COL4A2: variants seen among roughly 807,000 people sequenced by gnomAD.
COL4A2 encodes collagen alpha-2(IV) chain.
In COL4A2, 99 loss-of-function variants were observed where a neutral mutation model predicts 200.2. That is an observed-to-expected ratio of 0.49 (90% CI 0.42 to 0.58). COL4A2 has a LOEUF of 0.58. Ranked by LOEUF, COL4A2 falls within the 20% of genes least tolerant of loss-of-function variation. The pLI is 0.00. For missense variants in COL4A2, 1,950 were observed against 2,314.1 expected (o/e 0.84, Z 3.23); for synonymous variants, 897 against 900.6 (o/e 1.00, Z 0.07).
chr13:110,339,434 G>A (rs1036528291), intron 3 of COL4A2, among the ~76,000 whole-genome samples: 3 of 152,094 alleles, frequency 2.0e-5, no homozygotes, highest in South Asian at 2.1e-4. Context: ...GTGGGAGCAG[G>A]GGCTTCCCTG....
At position 110,475,677 on chromosome 13, in the gene COL4A2, G is replaced by A. The variant is rs369545576; in HGVS notation, c.2426-2326G>A. Among the ~76,000 whole-genome samples the A allele has an allele frequency of 7.2e-5, 11 of 152,288 alleles. No individual in the cohort carries two copies. The South Asian group carries it at 2.3e-3, about 32-fold the overall frequency. Reference sequence around the variant, plus strand: ...AAGTAACTACTTCAGTTTCAGTTCCGCTCACCAGTGCTACAGGAGCAGCGT... The same window carrying A: ...AAGTAACTACTTCAGTTTCAGTTCCACTCACCAGTGCTACAGGAGCAGCGT... On this transcript the variant is annotated intron_variant, in intron 29 of 47. Transcript: ENST00000360467.
chr13:110,480,685 A>T (rs1882868749), intron 31 of COL4A2, among the ~76,000 whole-genome samples: 1 of 152,270 alleles, frequency 6.6e-6, no homozygotes, highest in African/African-American at 2.4e-5. Flanking sequence ...CACCATCTGC[A>T]CAGGGAAATT....
rs377248451 is a variant in COL4A2, at chr13:110,475,296, C to A, written c.2425+2146C>A. Among the ~76,000 whole-genome samples the A allele has an allele frequency of 4.6e-4, 70 of 152,310 alleles. No individual in the cohort carries two copies. The East Asian group carries it at 0.011, about 24-fold the overall frequency. ...GAGGACTCGGCGCTGAGAGGTGGGG[C>A]TCTGTGTGTCAGCCTTCCTGGAAGG... On this transcript the variant is annotated intron_variant, in intron 29 of 47. Coordinates refer to ENST00000360467, the MANE Select transcript of COL4A2 (RefSeq NM_001846.4).
chr13:110,330,414 G>A (rs1044478147), intron 3 of COL4A2, among the ~76,000 whole-genome samples: 5 of 152,136 alleles, frequency 3.3e-5, no homozygotes, highest in African/African-American at 9.7e-5. Context: ...AGGCGGGGGG[G>A]CAGCCCCAAC....
intron 3 of COL4A2, among the ~76,000 whole-genome samples, chr13:110,319,267 A>G (rs1414703735): frequency 2.0e-5 from 3 of 152,150 alleles, no homozygotes; most frequent in Admixed American, 6.5e-5. Flanking sequence ...CCTTAAGTTT[A>G]GGAAATGTCA....
chr13:110,501,582 C>T lies in COL4A2; in HGVS notation c.3761-86C>T, dbSNP rs1883642407. ...TCTCGCTCGCTAGGCTCTGGTCCAC[C>T]ACAGGTGATGGTGTGGAGGGAAAAT... On this transcript the variant is annotated intron_variant, in intron 40 of 47. Transcript: ENST00000360467. 4.2e-6 allele frequency: 5 copies of T among 1,190,474 alleles called. No homozygotes were observed. In the Admixed American group the frequency reaches 5.1e-5, roughly 12 times the overall value. The allele number at this position is 1,190,474 out of a possible 1,614,324, so 73.7% of individuals were successfully genotyped here.
intron 32 of COL4A2, among the ~76,000 whole-genome samples, chr13:110,483,845 T>C (rs7329440): frequency 0.54 from 82,403 of 152,104 alleles, 22,257 homozygotes; most frequent in South Asian, 0.63. Context: ...CGGTGCTGCT[T>C]GCTCACAGCT....
intron 15 of COL4A2, among the ~76,000 whole-genome samples, 195 bp downstream of exon 15, chr13:110,438,863 G>A (rs557210685): frequency 6.7e-6 from 1 of 149,940 alleles, no homozygotes; most frequent in Non-Finnish European, 1.5e-5. Flanking sequence ...TGGGGGCTGC[G>A]CTGGCTACAA....
chr13:110,398,764 T>A (rs1483639002), intron 4 of COL4A2, among the ~76,000 whole-genome samples: 2 of 151,892 alleles, frequency 1.3e-5, no homozygotes, highest in Non-Finnish European at 2.9e-5. Flanking sequence ...AAAAGCACAG[T>A]CAGCATTATA....
intron 4 of COL4A2, among the ~76,000 whole-genome samples, chr13:110,408,384 A>G (rs1211497863): frequency 2.0e-5 from 3 of 152,210 alleles, no homozygotes; most frequent in African/African-American, 4.8e-5. Context: ...TTCTTTTTGA[A>G]TAGAGAAAAA....
At chr13:110,376,254 A>T (rs1034895241) in intron 4 of COL4A2, among the ~76,000 whole-genome samples, 8 of 152,194 alleles carry the variant, frequency 5.3e-5, no homozygotes, top group African/African-American at 1.9e-4. Context: ...GTAAGGAAAT[A>T]GTCTCTTATC....
chr13:110,381,942 A>G (rs1878509652), intron 4 of COL4A2, among the ~76,000 whole-genome samples: 1 of 152,110 alleles, frequency 6.6e-6, no homozygotes, highest in Admixed American at 6.5e-5. Flanking sequence ...TAGAAGCTTG[A>G]TGCTATGCCT....
Position 110,445,894 on chromosome 13 carries a change from T to C in COL4A2, c.1011+12T>C. On this transcript the variant is annotated intron_variant, in intron 17 of 47. Coordinates refer to ENST00000360467, the MANE Select transcript of COL4A2 (RefSeq NM_001846.4). ...CCCGGGGACCCAAGGTGAGCCCGTT[T>C]CTCATGTCTTTGCCACTTATGGTGT... 6.2e-7 allele frequency: 1 copy of C among 1,614,138 alleles called. No homozygotes were observed.
chr13:110,416,329 T>C (rs548495563), intron 4 of COL4A2, among the ~76,000 whole-genome samples: 46 of 152,382 alleles, frequency 3.0e-4, no homozygotes, highest in African/African-American at 1.1e-3. Context: ...AGGTGCAGTC[T>C]GGGCTCTCAG....
chr13:110,399,274 C>A (rs1879289591), intron 4 of COL4A2, among the ~76,000 whole-genome samples: 1 of 152,194 alleles, frequency 6.6e-6, no homozygotes, highest in African/African-American at 2.4e-5. Flanking sequence ...CTTGTTCCTC[C>A]CGTAAGCCCT....
chr13:110,484,996 T>C lies in COL4A2; in HGVS notation c.2994T>C (p.Pro998=). 1.2e-6 allele frequency: 2 copies of C among 1,610,806 alleles called. No individual in the cohort carries two copies. The highest frequency in any genetic ancestry group is 1.7e-6 in the Non-Finnish European group (2 of 1,177,588). Residue 998 remains proline (P), a synonymous_variant, in exon 33 of 48, where the codon CCT becomes CCC. Transcript: ENST00000360467. ...DIKGEKGDEG[P]MGLKGYLGAK... Reference sequence around the variant, plus strand: ...AAGGAGAGAAAGGAGATGAAGGGCCTATGGGGCTGAAAGGATACCTGGGCG... The same window carrying C: ...AAGGAGAGAAAGGAGATGAAGGGCCCATGGGGCTGAAAGGATACCTGGGCG...
At chr13:110,385,155 G>A (rs1485325775) in intron 4 of COL4A2, among the ~76,000 whole-genome samples, 2 of 152,050 alleles carry the variant, frequency 1.3e-5, no homozygotes, top group Non-Finnish European at 2.9e-5. Flanking sequence ...CCAGCCACTT[G>A]GGAGGCTGAG....
chr13:110,390,956 G>T (rs1285214746), intron 4 of COL4A2, among the ~76,000 whole-genome samples: 1 of 152,306 alleles, frequency 6.6e-6, no homozygotes, highest in African/African-American at 2.4e-5. Flanking sequence ...ATTTGTATCT[G>T]ACACTATCTT....
chr13:110,309,718 C>T (rs531052464), intron 3 of COL4A2, among the ~76,000 whole-genome samples: 53 of 152,278 alleles, frequency 3.5e-4, no homozygotes, highest in African/African-American at 1.2e-3. Context: ...CTGGGCATGG[C>T]GGCTCACGCC....
Sources: allele counts gnomAD v4.1 joint callset (sites outside exome capture counted in the v4.1 genomes callset), GRCh38; gene constraint gnomAD v4.1.1; transcripts MANE v1.5; gene names NCBI Gene and HGNC (gene_info 2026-07-23, HGNC 2026-07-21).